Variants in MAF observed in about 807,000 individuals in gnomAD.
MAF encodes the protein transcription factor Maf.
MAF carries 10 observed loss-of-function variants against 22.0 expected under a neutral mutation model. The observed-to-expected ratio is 0.45, with a 90% CI of 0.28 to 0.77. The LOEUF is 0.77. Among genes scored for constraint, MAF ranks in the 30% least tolerant of loss-of-function variants. The pLI is 0.12. For missense variants in MAF, 544 were observed against 548.4 expected (o/e 0.99, Z 0.08); for synonymous variants, 337 against 255.8 (o/e 1.32, Z -3.03).
chr16:79,488,037 G>A, the MAF span, among the ~76,000 whole-genome samples: 2 of 152,202 alleles, frequency 1.3e-5, no homozygotes, highest in Admixed American at 6.5e-5. Context: ...AGAACTATTT[G>A]CATCAAGCAT....
At chr16:79,598,580 G>GA in intron 1 of MAF, 2 of 1,399,478 alleles carry the variant, frequency 1.4e-6, no homozygotes, top group South Asian at 2.8e-5. Flanking sequence ...GCAGGGTGTG[G>GA]GGTGTGTGTG....
chr16:79,211,776 C>A, the MAF span: 1 of 1,614,124 alleles, frequency 6.2e-7, no homozygotes, highest in Non-Finnish European at 8.5e-7. Flanking sequence ...CCAAGAACGG[C>A]TTGGCAGCCA....
At chr16:79,593,755 C>G (rs1913323093), downstream of MAF, 4 of 167,526 alleles carry the variant, frequency 2.4e-5, no homozygotes, top group South Asian at 8.7e-4. Context: ...ATGCAAGAAG[C>G]CAGGGAAATG....
the MAF span, among the ~76,000 whole-genome samples, chr16:79,346,456 A>C: frequency 6.6e-6 from 1 of 152,014 alleles, no homozygotes; most frequent in African/African-American, 2.4e-5. Flanking sequence ...AACAAATGAT[A>C]CTCTGAAATC....
the MAF span, among the ~76,000 whole-genome samples, chr16:79,545,700 A>T: frequency 6.6e-6 from 1 of 152,136 alleles, no homozygotes; most frequent in East Asian, 1.9e-4. Context: ...TAAAATATGG[A>T]TGCCCATAGA....
At chr16:79,225,537 A>C in the MAF span, among the ~76,000 whole-genome samples, 1 of 152,248 alleles carries the variant, frequency 6.6e-6, no homozygotes, top group Admixed American at 6.5e-5. Flanking sequence ...GGATCCAATT[A>C]AACTAAATAG....
chr16:79,465,950 C>A, the MAF span, among the ~76,000 whole-genome samples: 1 of 152,144 alleles, frequency 6.6e-6, no homozygotes. Flanking sequence ...AATCTTTTTG[C>A]AGATCTCTTG....
At chr16:79,228,334 A>T in the MAF span, among the ~76,000 whole-genome samples, 1 of 152,096 alleles carries the variant, frequency 6.6e-6, no homozygotes, top group Non-Finnish European at 1.5e-5. Flanking sequence ...TTCACCCATT[A>T]ACTATCAGTC....
At chr16:79,220,927 A>G in the MAF span, among the ~76,000 whole-genome samples, 1 of 152,234 alleles carries the variant, frequency 6.6e-6, no homozygotes, top group Non-Finnish European at 1.5e-5. Context: ...AGATGCCATT[A>G]AAGTTCCTGG....
the MAF span, among the ~76,000 whole-genome samples, chr16:79,521,446 C>A: frequency 6.6e-6 from 1 of 152,210 alleles, no homozygotes. Flanking sequence ...CAGCATTCAG[C>A]CCACCATTAA....
the MAF span, among the ~76,000 whole-genome samples, chr16:79,393,365 C>T: frequency 6.6e-6 from 1 of 152,194 alleles, no homozygotes; most frequent in African/African-American, 2.4e-5. Flanking sequence ...GGCTGGCCAG[C>T]ATTCCTGAGT....
the MAF span, among the ~76,000 whole-genome samples, chr16:79,419,494 G>A: frequency 6.6e-6 from 1 of 152,216 alleles, no homozygotes; most frequent in Non-Finnish European, 1.5e-5. Context: ...GCAAGGCAGG[G>A]AGCTTATTGA....
At chr16:79,554,312 T>C in the MAF span, among the ~76,000 whole-genome samples, 1 of 152,122 alleles carries the variant, frequency 6.6e-6, no homozygotes, top group African/African-American at 2.4e-5. Flanking sequence ...AGTGATCAAG[T>C]TGAGGGTTCC....
the MAF span, among the ~76,000 whole-genome samples, chr16:79,321,699 G>A: frequency 1.4e-5 from 2 of 141,684 alleles, no homozygotes; most frequent in African/African-American, 5.3e-5. Flanking sequence ...CACCCAGGCT[G>A]GAGTGTAGTG....
chr16:79,386,064 G>T, the MAF span, among the ~76,000 whole-genome samples: 1 of 152,308 alleles, frequency 6.6e-6, no homozygotes, highest in South Asian at 2.1e-4. Context: ...AAATAATCAA[G>T]TAGATAAATA....
the MAF span, among the ~76,000 whole-genome samples, chr16:79,241,960 G>A: frequency 2.0e-5 from 3 of 151,954 alleles, no homozygotes; most frequent in South Asian, 6.2e-4. Context: ...ATAAGCAGAG[G>A]AGAAATAAAA....
the MAF span, among the ~76,000 whole-genome samples, chr16:79,280,999 G>T: frequency 6.6e-6 from 1 of 152,142 alleles, no homozygotes; most frequent in African/African-American, 2.4e-5. Flanking sequence ...GGGAGGGGAA[G>T]AAGCAAAGAT....
At chr16:79,382,536 A>G in the MAF span, among the ~76,000 whole-genome samples, 1 of 152,254 alleles carries the variant, frequency 6.6e-6, no homozygotes, top group Non-Finnish European at 1.5e-5. Context: ...GATTAAATTT[A>G]GCCATACCCT....
At chr16:79,212,302 TG>T in the MAF span, 1 of 955,906 alleles carries the variant, frequency 1.0e-6, no homozygotes. Flanking sequence ...TAGCAACTGC[TG>T]GGGAGACAAA....
Sources: allele counts gnomAD v4.1 joint callset (sites outside exome capture counted in the v4.1 genomes callset), GRCh38; gene constraint gnomAD v4.1.1; transcripts MANE v1.5; gene names NCBI Gene and HGNC (gene_info 2026-07-23, HGNC 2026-07-21).